NSG1: variants seen among roughly 807,000 people sequenced by gnomAD.
The protein encoded by NSG1 is neuronal vesicle trafficking-associated protein 1.
A neutral mutation model predicts 19.3 loss-of-function variants in NSG1; 9 were observed. The ratio of observed to expected loss-of-function variants is 0.47; its 90% CI spans 0.28 to 0.81. The LOEUF is 0.81. Ranked by LOEUF, NSG1 falls within the 40% of genes least tolerant of loss-of-function variation. NSG1 has a pLI of 0.11. For synonymous variants in NSG1, 104 were observed against 107.0 expected (o/e 0.97, Z 0.17); for missense variants, 236 against 242.4 (o/e 0.97, Z 0.18).
chr4:4,403,658 G>A (rs1051264389), intron 3 of NSG1, among the ~76,000 whole-genome samples: 5 of 152,156 alleles, frequency 3.3e-5, no homozygotes, highest in African/African-American at 9.7e-5. Flanking sequence ...TAGGACCTGG[G>A]TGTCTTTAGG....
chr4:4,415,445 G>A (rs963786717), intron 4 of NSG1, among the ~76,000 whole-genome samples: 1 of 152,156 alleles, frequency 6.6e-6, no homozygotes, highest in African/African-American at 2.4e-5. Flanking sequence ...GGCTCTGTAT[G>A]AGATGGGTAT....
At chr4:4,409,515 G>A (rs1023320566) in intron 3 of NSG1, 58 bp from the exon 4 acceptor site, 11 of 1,250,380 alleles carry the variant, frequency 8.8e-6, no homozygotes, top group Non-Finnish European at 1.3e-5. Context: ...GTGCGGGTGT[G>A]TGTGTGTCTG....
chr4:4,390,683 C>T (rs1296660420), intron 2 of NSG1, among the ~76,000 whole-genome samples: 1 of 152,188 alleles, frequency 6.6e-6, no homozygotes, highest in Non-Finnish European at 1.5e-5. Context: ...TTGAACACCT[C>T]CCAGTCCAGT....
chr4:4,404,560 A>G (rs1723750024), intron 3 of NSG1, among the ~76,000 whole-genome samples: 1 of 152,194 alleles, frequency 6.6e-6, no homozygotes, highest in South Asian at 2.1e-4. Context: ...AAATTGGTTG[A>G]ACGATGGAGT....
chr4:4,408,526 T>G (rs1577292268), intron 3 of NSG1, among the ~76,000 whole-genome samples: 1 of 152,356 alleles, frequency 6.6e-6, no homozygotes, highest in East Asian at 1.9e-4. Flanking sequence ...AGTGGCACTA[T>G]CTCAGCTCAC....
intron 4 of NSG1, chr4:4,416,120 A>T: frequency 1.4e-6 from 1 of 702,362 alleles, no homozygotes; most frequent in East Asian, 2.7e-5. Context: ...GTCCTCAGCA[A>T]CACGGTGGTG....
chr4:4,415,286 C>CTGAGGAGCTGA (rs1277634131), intron 4 of NSG1, among the ~76,000 whole-genome samples: 3 of 152,140 alleles, frequency 2.0e-5, no homozygotes, highest in African/African-American at 7.2e-5. Context: ...TCAGTCCTCC[C>CTGAGGAGCTGA]GTGCCCCACA....
chr4:4,395,274 C>G (rs1410139453), intron 3 of NSG1, among the ~76,000 whole-genome samples: 1 of 152,204 alleles, frequency 6.6e-6, no homozygotes, highest in Admixed American at 6.5e-5. Context: ...AACTTGGACC[C>G]TGAACCGCAG....
Position 4,391,578 on chromosome 4 carries a change from C to T in NSG1, c.233C>T (p.Thr78Ile). ...ACCGTCAGCATCACGGAGGGTGTCA[C>T]CGAGAGGTTTAAGGTGAGTGGTCCT... is the stretch of plus-strand genomic sequence containing the variant. Reference protein sequence around the residue: ...EFTVSITEGVTERFKVSVLVL... With the variant: ...EFTVSITEGVIERFKVSVLVL... The change falls in exon 3 of 5, where the codon ACC becomes ATC. Residue 78 changes from threonine (T) to isoleucine (I), a missense_variant. Thr to Ile is a moderately conservative substitution (Grantham distance 89). Coordinates refer to ENST00000621129, the MANE Select transcript of NSG1 (RefSeq NM_014392.5). The T allele has an allele frequency of 6.2e-7, 1 of 1,610,288 alleles. No homozygotes were observed. The highest frequency in any genetic ancestry group is 8.5e-7 in the Non-Finnish European group (1 of 1,178,092).
At position 4,391,455 on chromosome 4, in the gene NSG1, TTC is replaced by T. The variant is rs756815955; in HGVS notation, c.130-16_130-15del. ...ATGTCTGAATGCATCTGACTTTTGT[TTC>T]TCTGTTTCCTGGATAAGGTGGTCGT... On this transcript the variant is annotated intron_variant, in intron 2 of 4. Coordinates refer to ENST00000621129, the MANE Select transcript of NSG1 (RefSeq NM_014392.5). The T allele has an allele frequency of 1.3e-6, 2 of 1,567,112 alleles. No individual in the cohort carries two copies. Among genetic ancestry groups the T allele is most frequent in the East Asian group, 2.3e-5 (1 of 44,382 alleles).
At chr4:4,401,555 C>T (rs1723548417) in intron 3 of NSG1, among the ~76,000 whole-genome samples, 1 of 152,178 alleles carries the variant, frequency 6.6e-6, no homozygotes, top group South Asian at 2.1e-4. Context: ...TGGACACCTC[C>T]TCCCAGAAGC....
intron 3 of NSG1, among the ~76,000 whole-genome samples, chr4:4,408,506 G>GC (rs1476973989): frequency 6.6e-6 from 1 of 152,194 alleles, no homozygotes; most frequent in Admixed American, 6.5e-5. Context: ...TGTCACCCAG[G>GC]CTGGAGTTCA....
At position 4,417,287 on chromosome 4, in the gene NSG1, C is replaced by T. The variant is rs151272786; in HGVS notation, c.410C>T (p.Ser137Phe). The T allele has an allele frequency of 1.4e-5, 23 of 1,614,176 alleles. No homozygotes were observed. The highest frequency in any genetic ancestry group is 1.9e-5 in the Non-Finnish European group (23 of 1,180,036). ...GAGAGCTACTACGCGGAGCAAGACT[C>T]CAGTGCCCGGGAGAAATTTTACACA... ...GLESYYAEQD[S>F]SAREKFYTVI... Residue 137 changes from serine (S) to phenylalanine (F), a missense_variant, in exon 5 of 5, where the codon TCC becomes TTC. By Grantham distance (155) the Ser-to-Phe change is radical. Transcript: ENST00000621129.
At position 4,417,606 on chromosome 4, in the gene NSG1, G is replaced by T; in HGVS notation, c.*171G>T. ...AAAACTTGCTGCCGACCACCCACGG[G>T]CATAAAATCAAGTGCATTTCAGCAT... is the stretch of plus-strand genomic sequence containing the variant. On this transcript the variant is annotated 3_prime_UTR_variant, in exon 5 of 5. Coordinates refer to ENST00000621129, the MANE Select transcript of NSG1 (RefSeq NM_014392.5). 1.6e-6 allele frequency: 1 copy of T among 644,654 alleles called. No individual in the cohort carries two copies. 39.9% of individuals were successfully genotyped at this position (644,654 alleles called of 1,614,324 possible).
chr4:4,388,527 T>C (rs920957849), intron 2 of NSG1, among the ~76,000 whole-genome samples: 1 of 152,264 alleles, frequency 6.6e-6, no homozygotes. Flanking sequence ...GATCTTTGCA[T>C]GTCTAGGCAA....
chr4:4,387,763 G>C lies in NSG1; in HGVS notation c.129+5G>C. On this transcript the variant is annotated splice_donor_5th_base_variant and intron_variant, in intron 2 of 4. Transcript: ENST00000621129. ...CAGTTCCCGCCCCCGGATAAGGTAA[G>C]CCCCCCCACGCCCCTCCACGTTGCC... The C allele has an allele frequency of 6.3e-7, 1 of 1,593,302 alleles. No individual in the cohort carries two copies. The highest frequency in any genetic ancestry group is 8.6e-7 in the Non-Finnish European group (1 of 1,162,406).
At chr4:4,402,422 C>CCA (rs1195586326) in intron 3 of NSG1, among the ~76,000 whole-genome samples, 13 of 129,232 alleles carry the variant, frequency 1.0e-4, no homozygotes, top group Admixed American at 4.9e-4. Context: ...GAGTCTTGCT[C>CCA]TGTCGCCCAG....
At chr4:4,416,320 T>C (rs1724539051) in intron 4 of NSG1, among the ~76,000 whole-genome samples, 1 of 152,228 alleles carries the variant, frequency 6.6e-6, no homozygotes, top group African/African-American at 2.4e-5. Context: ...ATTCCATTTG[T>C]CATTTCTCTT....
intron 3 of NSG1, among the ~76,000 whole-genome samples, chr4:4,400,278 A>G (rs957877695): frequency 1.3e-5 from 2 of 152,160 alleles, no homozygotes; most frequent in East Asian, 3.8e-4. Context: ...ATGGACTCAT[A>G]GTTTTGTTTC....
Sources: gnomAD v4.1 joint callset for allele counts (sites outside exome capture counted in the v4.1 genomes callset) on GRCh38, gnomAD v4.1.1 for gene constraint, MANE v1.5 for transcripts, NCBI Gene and HGNC (gene_info 2026-07-23, HGNC 2026-07-21) for gene names.